Variants in RIPK2 observed in about 807,000 individuals in gnomAD.
The protein encoded by RIPK2 is receptor interacting serine/threonine kinase 2.
Under a neutral mutation model 60.9 loss-of-function variants are expected in RIPK2, and 38 were observed. The observed-to-expected ratio is 0.62, with a 90% confidence interval of 0.48 to 0.82. The LOEUF (loss-of-function observed/expected upper bound fraction) is 0.82, where lower values mean the gene tolerates loss of function less well. Ranked by LOEUF, RIPK2 falls within the 40% of genes least tolerant of loss-of-function variation. RIPK2 has a pLI of 0.00. For synonymous variants in RIPK2, 225 were observed against 223.4 expected, an observed-to-expected ratio of 1.01 and a Z score of -0.06; for missense variants, 518 against 647.0, an observed-to-expected ratio of 0.80 and a Z score of 2.16.
At chr8:89,786,937 G>A (rs1474429980) in intron 9 of RIPK2, among the ~76,000 whole-genome samples, 1 of 151,852 alleles carries the variant, frequency 6.6e-6, no homozygotes, top group Non-Finnish European at 1.5e-5. Context: ...TGGCCAAGGT[G>A]GGCAGATCAC....
Position 89,784,141 on chromosome 8 carries a change from T to TAAAAAAAAAA in RIPK2, c.1029+16_1029+25dup. 7.2e-6 allele frequency: 4 copies of TAAAAAAAAAA among 556,168 alleles called. No individual in the cohort carries two copies. Among genetic ancestry groups the TAAAAAAAAAA allele is most frequent in the South Asian group, 7.1e-5 (2 of 28,262 alleles). The allele number at this position is 556,168 out of a possible 1,614,324, so 34.5% of individuals were successfully genotyped here. A position where few individuals can be genotyped will look rare whatever the true frequency, so the allele number is the denominator to read the frequency against. On this transcript the variant is annotated splice_region_variant and intron_variant, in intron 8 of 10. Transcript: ENST00000220751. The stretch of plus-strand genomic sequence containing the variant: ...CCTGTAAATCATGGTCCACAAGAGG[T>TAAAAAAAAAA]AAAAAAAAAAAAAAAAAAAAAAAGG...
At chr8:89,768,028 T>C (rs1014608708) in intron 3 of RIPK2, among the ~76,000 whole-genome samples, 3 of 151,736 alleles carry the variant, frequency 2.0e-5, no homozygotes, top group African/African-American at 7.2e-5. Flanking sequence ...GTTTGATGAA[T>C]GCAGACTTTA....
intron 6 of RIPK2, among the ~76,000 whole-genome samples, chr8:89,773,906 C>T (rs1037749222): frequency 3.3e-5 from 5 of 152,140 alleles, no homozygotes; most frequent in South Asian, 2.1e-4. Flanking sequence ...TTTTCCACTT[C>T]GAAAGGTACT....
Position 89,786,267 on chromosome 8 carries a change from A to G in RIPK2, c.1030-326A>G, listed in dbSNP as rs1169822908. ...GGCTGGTGGATCACTTGATCGCAGG[A>G]GTTTGAGACCAGCCTGGGCAACGTA... On this transcript the variant is annotated intron_variant, in intron 8 of 10. Transcript: ENST00000220751. Among the ~76,000 whole-genome samples the G allele has an allele frequency of 3.9e-5, 6 of 152,110 alleles. No individual in the cohort carries two copies. In the East Asian group the frequency reaches 1.2e-3, roughly 29 times the overall value.
At chr8:89,760,992 A>T (rs1482406146) in intron 1 of RIPK2, among the ~76,000 whole-genome samples, 2 of 152,246 alleles carry the variant, frequency 1.3e-5, no homozygotes, top group African/African-American at 4.8e-5. Context: ...GGGTCTCACA[A>T]ACTGATACTG....
intron 9 of RIPK2, among the ~76,000 whole-genome samples, chr8:89,787,669 A>C (rs1563619641): frequency 6.6e-6 from 1 of 152,224 alleles, no homozygotes; most frequent in Non-Finnish European, 1.5e-5. Context: ...CAAGAATTCT[A>C]ACTTTCAGCT....
Position 89,771,795 on chromosome 8 carries a change from G to GT in RIPK2, c.691+6dup, listed in dbSNP as rs767760841. On this transcript the variant is annotated splice_donor_region_variant and intron_variant, in intron 5 of 10. Coordinates refer to ENST00000220751, the MANE Select transcript of RIPK2 (RefSeq NM_003821.6). ...CCAGAAAACAGCCTTTTGAAGGTAA[G>GT]TATGGTTTGACTTTTTTATGCTCAA... 5 of 1,596,606 alleles carry GT rather than the reference G, an allele frequency of 3.1e-6. No individual in the cohort carries two copies. The East Asian group carries it at 9.0e-5, about 29-fold the overall frequency.
At chr8:89,777,385 A>AC (rs146446144) in intron 6 of RIPK2, among the ~76,000 whole-genome samples, 56 of 152,362 alleles carry the variant, frequency 3.7e-4, no homozygotes, top group African/African-American at 1.3e-3. Flanking sequence ...GGAAAGAAAG[A>AC]AACAAAATGT....
intron 6 of RIPK2, among the ~76,000 whole-genome samples, chr8:89,777,532 G>T (rs1809418793): frequency 6.6e-6 from 1 of 152,080 alleles, no homozygotes; most frequent in Non-Finnish European, 1.5e-5. Context: ...TGTCTTAACT[G>T]AAATGGCCTA....
intron 3 of RIPK2, among the ~76,000 whole-genome samples, chr8:89,766,606 C>T (rs1279884296): frequency 6.6e-6 from 1 of 151,222 alleles, no homozygotes; most frequent in Non-Finnish European, 1.5e-5. Context: ...TTTATCTTTT[C>T]ATCCTTTTAA....
intron 7 of RIPK2, among the ~76,000 whole-genome samples, chr8:89,781,717 A>C (rs962722561): frequency 6.6e-6 from 1 of 152,166 alleles, no homozygotes; most frequent in Non-Finnish European, 1.5e-5. Flanking sequence ...CAATGCCTGA[A>C]ACCATGGGTA....
chr8:89,776,159 A>G (rs1231784508), intron 6 of RIPK2, among the ~76,000 whole-genome samples: 1 of 152,196 alleles, frequency 6.6e-6, no homozygotes, highest in Non-Finnish European at 1.5e-5. Context: ...CCAAATAAGC[A>G]TGCTTAGTTT....
chr8:89,789,947 G>C, intron 10 of RIPK2, 132 bp from the exon 11 acceptor site: 1 of 614,962 alleles, frequency 1.6e-6, no homozygotes, highest in South Asian at 2.9e-5. Flanking sequence ...ATTCCCCAAA[G>C]TGTTGGTGTT....
intron 2 of RIPK2, among the ~76,000 whole-genome samples, chr8:89,763,703 G>A (rs1228823033): frequency 2.0e-5 from 3 of 152,044 alleles, no homozygotes; most frequent in Non-Finnish European, 4.4e-5. Context: ...GTAACACAAT[G>A]CCCTGTAAGT....
intron 7 of RIPK2, among the ~76,000 whole-genome samples, chr8:89,781,151 C>T (rs547304307): frequency 1.3e-5 from 2 of 151,926 alleles, no homozygotes; most frequent in African/African-American, 4.8e-5. Context: ...CAATTTTTAT[C>T]ACAAAATGAC....
chr8:89,784,157 A>G lies in RIPK2; in HGVS notation c.1029+18A>G. On this transcript the variant is annotated intron_variant, in intron 8 of 10. Transcript: ENST00000220751. The stretch of plus-strand genomic sequence containing the variant: ...CACAAGAGGTAAAAAAAAAAAAAAA[A>G]AAAAAAAGGTTATATTAAACTCAAA... 1 of 1,431,892 alleles carries G rather than the reference A, an allele frequency of 7.0e-7. No homozygotes were observed. The highest frequency in any genetic ancestry group is 2.2e-5 in the Admixed American group (1 of 45,568). The allele number at this position is 1,431,892 out of a possible 1,614,324, so 88.7% of individuals were successfully genotyped here.
Position 89,772,766 on chromosome 8 carries a change from G to C in RIPK2, c.791G>C (p.Arg264Pro). 1 of 1,611,922 alleles carries C rather than the reference G, an allele frequency of 6.2e-7. No individual in the cohort carries two copies. Among genetic ancestry groups the C allele is most frequent in the South Asian group, 1.1e-5 (1 of 90,976 alleles). The change falls in exon 6 of 11, where the codon CGT becomes CCT. Residue 264 changes from arginine to proline, a missense_variant. This residue lies in a region of RIPK2 where 448 missense variants were observed against 534.7 expected (regional missense o/e 0.84). Coordinates refer to ENST00000220751, the MANE Select transcript of RIPK2 (RefSeq NM_003821.6). ...SLPYDIPHRA[R>P]MISLIESGWA... ...CCATATGATATACCTCACCGAGCAC[G>C]TATGATCTCTCTAATAGAAAGTGGA...
chr8:89,784,800 T>C (rs557946716), intron 8 of RIPK2, among the ~76,000 whole-genome samples: 2 of 152,294 alleles, frequency 1.3e-5, no homozygotes, highest in East Asian at 3.9e-4. Flanking sequence ...TTTATTTGGC[T>C]CACAATTCTG....
Position 89,757,992 on chromosome 8 carries a change from G to A in RIPK2, c.-69G>A. 6.8e-7 allele frequency: 1 copy of A among 1,460,596 alleles called. No homozygotes were observed. The highest frequency in any genetic ancestry group is 9.1e-7 in the Non-Finnish European group (1 of 1,103,716). The allele number at this position is 1,460,596 out of a possible 1,614,324, so 90.5% of individuals were successfully genotyped here. The stretch of plus-strand genomic sequence containing the variant: ...CAGGGGCGTATCTGGGCGCCTGAGC[G>A]CGGCGTGGGAGCCTTGGGAGCCGCC... On this transcript the variant is annotated 5_prime_UTR_variant, in exon 1 of 11. Transcript: ENST00000220751.
Sources: allele counts gnomAD v4.1 joint callset (sites outside exome capture counted in the v4.1 genomes callset), GRCh38; gene constraint gnomAD v4.1.1; regional missense constraint gnomAD v4.1.1; transcripts MANE v1.5; gene names NCBI Gene and HGNC (gene_info 2026-07-23, HGNC 2026-07-21).